Variants in YPEL2 observed in about 807,000 individuals in gnomAD.
The protein encoded by YPEL2 is protein yippee-like 2.
A neutral mutation model predicts 19.1 loss-of-function variants in YPEL2; 2 were observed. The observed-to-expected ratio is 0.10, with a 90% CI of 0.04 to 0.33. The LOEUF (loss-of-function observed/expected upper bound fraction) is 0.33, where lower values mean the gene tolerates loss of function less well. Ranked by LOEUF, YPEL2 falls within the 10% of genes least tolerant of loss-of-function variation. The pLI is 1.00. For synonymous variants in YPEL2, 52 were observed against 50.0 expected (o/e 1.04, Z -0.17); for missense variants, 66 against 140.7 (o/e 0.47, Z 2.68).
intron 2 of YPEL2, among the ~76,000 whole-genome samples, chr17:59,378,501 C>T (rs148658272): frequency 3.9e-5 from 6 of 152,174 alleles, no homozygotes; most frequent in South Asian, 2.1e-4. Flanking sequence ...CACACCACCA[C>T]GCCCAGCTAA....
chr17:59,348,641 C>T (rs1340651400), intron 1 of YPEL2, among the ~76,000 whole-genome samples: 1 of 152,196 alleles, frequency 6.6e-6, no homozygotes, highest in Non-Finnish European at 1.5e-5. Context: ...GGCGGCAAAT[C>T]TTCCTTTAAT....
intron 4 of YPEL2, among the ~76,000 whole-genome samples, chr17:59,394,377 G>C (rs2048026708): frequency 6.6e-6 from 1 of 150,772 alleles, no homozygotes; most frequent in African/African-American, 2.4e-5. Context: ...CCCAGACGGG[G>C]CGGCGGGGCA....
chr17:59,391,357 C>G (rs1483902848), intron 4 of YPEL2, among the ~76,000 whole-genome samples: 2 of 152,140 alleles, frequency 1.3e-5, no homozygotes. Flanking sequence ...TGGAAAATCT[C>G]TGTACTTTCT....
rs527653537 is a variant in YPEL2 at position 59,375,774 on chromosome 17, G to A, written c.118-12553G>A. On this transcript the variant is annotated intron_variant, in intron 2 of 4. Transcript: ENST00000312655. Reference sequence around the variant, plus strand: ...TTGAGCGAGAGAATTAAATTTAGGCGATTGCTAAGTCAATATGGAATCAGA... The same window carrying A: ...TTGAGCGAGAGAATTAAATTTAGGCAATTGCTAAGTCAATATGGAATCAGA... Among the ~76,000 whole-genome samples, 3 of 152,312 alleles carry A rather than the reference G, an allele frequency of 2.0e-5. No homozygotes were observed. The South Asian group carries it at 6.2e-4, about 32-fold the overall frequency.
At chr17:59,337,097 T>C (rs1007500407) in intron 1 of YPEL2, among the ~76,000 whole-genome samples, 1 of 152,178 alleles carries the variant, frequency 6.6e-6, no homozygotes, top group Non-Finnish European at 1.5e-5. Flanking sequence ...TTATATAACT[T>C]GTTACTGTAA....
intron 2 of YPEL2, among the ~76,000 whole-genome samples, chr17:59,369,588 AC>A (rs146690088): frequency 0.012 from 1,884 of 152,302 alleles, 40 homozygotes; most frequent in African/African-American, 0.043. Flanking sequence ...GGCTCGCCTG[AC>A]CCTAGTCCCA....
At chr17:59,373,426 A>G (rs1053351745) in intron 2 of YPEL2, among the ~76,000 whole-genome samples, 2 of 152,076 alleles carry the variant, frequency 1.3e-5, no homozygotes, top group African/African-American at 2.4e-5. Flanking sequence ...CAGCCCTCCT[A>G]CAGCGCTCTC....
chr17:59,392,594 T>C (rs1598054385), intron 4 of YPEL2, among the ~76,000 whole-genome samples: 1 of 137,262 alleles, frequency 7.3e-6, no homozygotes, highest in East Asian at 2.5e-4. Flanking sequence ...TACTGCAACC[T>C]CCACCTCCTG....
At chr17:59,374,585 A>C (rs2047911510) in intron 2 of YPEL2, among the ~76,000 whole-genome samples, 1 of 152,188 alleles carries the variant, frequency 6.6e-6, no homozygotes, top group Admixed American at 6.5e-5. Flanking sequence ...AGCCCAATTA[A>C]TTGTTTCAGT....
chr17:59,384,230 T>G (rs964094996), intron 2 of YPEL2, among the ~76,000 whole-genome samples: 3 of 152,202 alleles, frequency 2.0e-5, no homozygotes, highest in Non-Finnish European at 1.5e-5. Flanking sequence ...TCTAAGAACC[T>G]CTTCTAACAC....
intron 4 of YPEL2, 88 bp downstream of exon 4, chr17:59,389,556 A>G (rs2290266): frequency 0.18 from 182,767 of 1,027,736 alleles, 19,918 homozygotes; most frequent in East Asian, 0.47. Flanking sequence ...CTCGCTTTCC[A>G]TGGCCTTGTG....
intron 2 of YPEL2, among the ~76,000 whole-genome samples, chr17:59,379,610 CA>C (rs1284578284): frequency 6.6e-6 from 1 of 152,178 alleles, no homozygotes; most frequent in Non-Finnish European, 1.5e-5. Flanking sequence ...GCACGGGAGA[CA>C]GGCTGGCTGC....
intron 1 of YPEL2, among the ~76,000 whole-genome samples, chr17:59,347,404 G>A (rs116546456): frequency 1.2e-3 from 186 of 152,266 alleles, no homozygotes; most frequent in African/African-American, 4.4e-3. Context: ...TGGGATTACC[G>A]ACATGAACCA....
intron 4 of YPEL2, among the ~76,000 whole-genome samples, chr17:59,395,247 G>T (rs1216468244): frequency 6.6e-6 from 1 of 151,922 alleles, no homozygotes; most frequent in Non-Finnish European, 1.5e-5. Context: ...ACGGAATAAT[G>T]AAGTGTCAGG....
At chr17:59,333,743 G>A (rs945069699) in intron 1 of YPEL2, among the ~76,000 whole-genome samples, 1 of 152,162 alleles carries the variant, frequency 6.6e-6, no homozygotes, top group African/African-American at 2.4e-5. Flanking sequence ...ACTTAAATGT[G>A]TATAAAGATG....
At chr17:59,346,172 C>T (rs1339017260) in intron 1 of YPEL2, among the ~76,000 whole-genome samples, 1 of 152,198 alleles carries the variant, frequency 6.6e-6, no homozygotes, top group Non-Finnish European at 1.5e-5. Flanking sequence ...TAGCTTGCCT[C>T]CTCCTTTCTG....
chr17:59,379,856 T>TTTTGTTTTGTTTTGTTTTG (rs1555571548), intron 2 of YPEL2, among the ~76,000 whole-genome samples: 3 of 149,338 alleles, frequency 2.0e-5, no homozygotes, highest in African/African-American at 2.5e-5. Flanking sequence ...AAGTTTGGGG[T>TTTTGTTTTGTTTTGTTTTG]TTTTGTTTTG....
At chr17:59,374,452 G>T (rs2047910802) in intron 2 of YPEL2, among the ~76,000 whole-genome samples, 1 of 152,162 alleles carries the variant, frequency 6.6e-6, no homozygotes. Flanking sequence ...GTCCCAGAGG[G>T]TTGGAATAGA....
chr17:59,377,005 T>G lies in YPEL2; in HGVS notation c.118-11322T>G, dbSNP rs994336311. Among the ~76,000 whole-genome samples the G allele has an allele frequency of 2.6e-5, 4 of 151,262 alleles. No homozygotes were observed. The South Asian group carries it at 6.3e-4, about 24-fold the overall frequency. ...GAAAAAGGAAAGAAAGAAAATATTT[T>G]GAAAGCAATCCCTTCTGTAGCATGT... On this transcript the variant is annotated intron_variant, in intron 2 of 4. Transcript: ENST00000312655.
Sources: allele counts gnomAD v4.1 joint callset (sites outside exome capture counted in the v4.1 genomes callset), GRCh38; gene constraint gnomAD v4.1.1; transcripts MANE v1.5; gene names NCBI Gene and HGNC (gene_info 2026-07-23, HGNC 2026-07-21).